DENND1B: variants seen among roughly 807,000 people sequenced by gnomAD.
The protein encoded by DENND1B is DENN domain-containing protein 1B.
A neutral mutation model predicts 90.1 loss-of-function variants in DENND1B; 59 were observed. The ratio of observed to expected loss-of-function variants is 0.65; its 90% CI spans 0.53 to 0.81. The LOEUF (loss-of-function observed/expected upper bound fraction) is 0.81. Among genes scored for constraint, DENND1B ranks in the 40% least tolerant of loss-of-function variants. The pLI is 0.00. For missense variants in DENND1B, 862 were observed against 912.6 expected (o/e 0.94, Z 0.71); for synonymous variants, 337 against 324.6 (o/e 1.04, Z -0.41).
chr1:197,761,322 C>G (rs568864513), intron 2 of DENND1B, among the ~76,000 whole-genome samples: 218 of 152,082 alleles, frequency 1.4e-3, no homozygotes, highest in African/African-American at 5.0e-3. Flanking sequence ...TATTATATTA[C>G]TTCCTCTTCC....
intron 3 of DENND1B, among the ~76,000 whole-genome samples, chr1:197,686,680 A>C (rs1476826686): frequency 6.6e-6 from 1 of 152,090 alleles, no homozygotes; most frequent in African/African-American, 2.4e-5. Flanking sequence ...ATGTTAGACT[A>C]ATCTCCTCCC....
chr1:197,515,023 T>A (rs966330812), intron 20 of DENND1B, among the ~76,000 whole-genome samples: 8 of 151,712 alleles, frequency 5.3e-5, no homozygotes, highest in Non-Finnish European at 1.2e-4. Flanking sequence ...ACTTCAACCA[T>A]GACACCAGAG....
At chr1:197,626,515 A>G (rs61829318) in intron 10 of DENND1B, among the ~76,000 whole-genome samples, 4 of 152,190 alleles carry the variant, frequency 2.6e-5, no homozygotes, top group African/African-American at 7.2e-5. Context: ...TCTCTGGGAC[A>G]CATTCAAAGC....
intron 2 of DENND1B, among the ~76,000 whole-genome samples, chr1:197,744,400 T>C (rs968441562): frequency 2.6e-5 from 4 of 152,200 alleles, no homozygotes; most frequent in African/African-American, 7.2e-5. Flanking sequence ...AGAATGGATA[T>C]TGTGTTAGCA....
At position 197,595,251 on chromosome 1, in the gene DENND1B, G is replaced by GC. The variant is rs1675579551; in HGVS notation, c.1003dup (p.Ala335GlyfsTer17). 2 of 1,613,364 alleles carry GC rather than the reference G, an allele frequency of 1.2e-6. No individual in the cohort carries two copies. The highest frequency in any genetic ancestry group is 1.7e-6 in the Non-Finnish European group (2 of 1,179,462). ...ATCTCTGTAGGATCCAAACAAAGCA[G>GC]CCTGTGCTCTAAGAAAGGCCCTAGC... On this transcript the variant is annotated frameshift_variant, in exon 14 of 23. Transcript: ENST00000620048. LOFTEE classifies it high-confidence loss of function.
intron 12 of DENND1B, among the ~76,000 whole-genome samples, chr1:197,611,727 C>T (rs1471590700): frequency 1.3e-5 from 2 of 150,586 alleles, no homozygotes; most frequent in Non-Finnish European, 3.0e-5. Flanking sequence ...TTATGGATTT[C>T]ATGCCATAAA....
chr1:197,530,883 G>C (rs777082467), intron 20 of DENND1B, among the ~76,000 whole-genome samples: 34 of 152,086 alleles, frequency 2.2e-4, no homozygotes, highest in Non-Finnish European at 4.0e-4. Flanking sequence ...TTAAATCCTA[G>C]TACCTTTTTC....
At chr1:197,697,959 C>T (rs982274788) in intron 3 of DENND1B, among the ~76,000 whole-genome samples, 1 of 152,008 alleles carries the variant, frequency 6.6e-6, no homozygotes, top group African/African-American at 2.4e-5. Context: ...GACTCCCACA[C>T]AATAATAGTG....
intron 14 of DENND1B, among the ~76,000 whole-genome samples, chr1:197,585,042 A>G (rs1251446891): frequency 2.6e-5 from 4 of 152,174 alleles, no homozygotes; most frequent in Admixed American, 6.6e-5. Context: ...ACTAATTTAC[A>G]TAAATATATT....
intron 18 of DENND1B, among the ~76,000 whole-genome samples, chr1:197,541,378 G>A (rs1670326489): frequency 6.6e-6 from 1 of 152,124 alleles, no homozygotes; most frequent in Non-Finnish European, 1.5e-5. Flanking sequence ...AATTATTTGG[G>A]TAGATGCTTG....
intron 2 of DENND1B, among the ~76,000 whole-genome samples, chr1:197,723,136 T>C (rs2102281212): frequency 6.6e-6 from 1 of 152,242 alleles, no homozygotes; most frequent in African/African-American, 2.4e-5. Flanking sequence ...ACTAAGGTAA[T>C]GAAAATGGAA....
chr1:197,592,421 G>A (rs1027676543), intron 14 of DENND1B, among the ~76,000 whole-genome samples: 3 of 152,204 alleles, frequency 2.0e-5, no homozygotes, highest in African/African-American at 7.2e-5. Context: ...CAAAAATTAT[G>A]AATATCAGTC....
intron 14 of DENND1B, among the ~76,000 whole-genome samples, chr1:197,590,537 G>C (rs568661050): frequency 1.3e-5 from 2 of 152,182 alleles, no homozygotes; most frequent in South Asian, 4.1e-4. Context: ...ATTAAGGGTA[G>C]GTACAATTTA....
At chr1:197,597,927 G>A (rs896911325) in intron 13 of DENND1B, among the ~76,000 whole-genome samples, 2 of 151,720 alleles carry the variant, frequency 1.3e-5, no homozygotes, top group Non-Finnish European at 2.9e-5. Context: ...ACTCAATAAT[G>A]TTCATATTGA....
At chr1:197,576,673 T>C (rs1325957402) in intron 15 of DENND1B, among the ~76,000 whole-genome samples, 1 of 152,168 alleles carries the variant, frequency 6.6e-6, no homozygotes, top group East Asian at 1.9e-4. Context: ...AGTGGGCTTC[T>C]ACAGCCACCC....
At chr1:197,511,062 G>T in intron 22 of DENND1B, 90 bp from the exon 23 acceptor site, 1 of 1,251,798 alleles carries the variant, frequency 8.0e-7, no homozygotes. Context: ...TGTTAATAGC[G>T]TTAAGTTCCT....
intron 5 of DENND1B, among the ~76,000 whole-genome samples, chr1:197,664,598 G>T (rs1654755069): frequency 6.6e-6 from 1 of 151,994 alleles, no homozygotes; most frequent in South Asian, 2.1e-4. Flanking sequence ...AAAGTCAAAG[G>T]TTAAATAAAG....
At chr1:197,513,410 C>T (rs747239739) in intron 20 of DENND1B, among the ~76,000 whole-genome samples, 38 of 151,554 alleles carry the variant, frequency 2.5e-4, no homozygotes, top group Non-Finnish European at 3.8e-4. Flanking sequence ...GCGTATAAAT[C>T]GCTTAGGGAC....
intron 2 of DENND1B, among the ~76,000 whole-genome samples, chr1:197,728,525 C>A (rs1199108943): frequency 6.6e-6 from 1 of 152,146 alleles, no homozygotes; most frequent in African/African-American, 2.4e-5. Context: ...AACCCAGACA[C>A]CAATGCTAAA....
Sources: gnomAD v4.1 joint callset for allele counts (sites outside exome capture counted in the v4.1 genomes callset) on GRCh38, gnomAD v4.1.1 for gene constraint, MANE v1.5 for transcripts, NCBI Gene and HGNC (gene_info 2026-07-23, HGNC 2026-07-21) for gene names.